Variants in FOXP1 observed in about 807,000 individuals in gnomAD.
FOXP1 encodes the protein forkhead box P1, also known as forkhead box protein P1.
Under a neutral mutation model 98.2 loss-of-function variants are expected in FOXP1, and 15 were observed. That is an observed-to-expected ratio of 0.15 (90% CI 0.10 to 0.24). The LOEUF (loss-of-function observed/expected upper bound fraction) is 0.24, where lower values mean the gene tolerates loss of function less well. Ranked by LOEUF, FOXP1 falls within the 10% of genes least tolerant of loss-of-function variation. FOXP1 has a pLI of 1.00. For missense variants in FOXP1, 633 were observed against 848.5 expected, an observed-to-expected ratio of 0.75 and a Z score of 3.15; for synonymous variants, 371 against 314.5, an observed-to-expected ratio of 1.18 and a Z score of -1.90.
In FOXP1 at chr3:70,970,721, G is replaced by C. The variant is rs370356350; in HGVS notation, c.1722+15C>G. 3.1e-6 allele frequency: 5 copies of C among 1,606,182 alleles called. No homozygotes were observed. Among genetic ancestry groups the C allele is most frequent in the Admixed American group, 1.7e-5 (1 of 60,016 alleles). ...TGTGCCTCTGCTGCATATTCGGGAC[G>C]GCCGTTAATCTTACCTGTAAAGCTG... On this transcript the variant is annotated intron_variant, in intron 19 of 20. Transcript: ENST00000649528.
intron 14 of FOXP1, among the ~76,000 whole-genome samples, chr3:70,983,750 T>C (rs2039273159): frequency 6.6e-6 from 1 of 152,236 alleles, no homozygotes; most frequent in Non-Finnish European, 1.5e-5. Context: ...AAAATACGAT[T>C]TACAGTGTTT....
chr3:71,088,949 C>T (rs1317755057), intron 7 of FOXP1, among the ~76,000 whole-genome samples: 2 of 152,156 alleles, frequency 1.3e-5, no homozygotes, highest in African/African-American at 4.8e-5. Flanking sequence ...GACCTTACGC[C>T]AAGAGTACAC....
chr3:71,581,111 T>G (rs931664094), intron 2 of FOXP1: 6 of 974,636 alleles, frequency 6.2e-6, no homozygotes, highest in Non-Finnish European at 7.3e-6. Context: ...ATTTTGGGTC[T>G]TCTGGTAGAG....
At chr3:70,969,275 A>G (rs2035658458) in intron 19 of FOXP1, 1 of 152,232 alleles carries the variant, frequency 6.6e-6, no homozygotes. Flanking sequence ...CAGTGGCAGC[A>G]TCGAAGCATG....
Position 71,030,717 on chromosome 3 carries a change from T to C in FOXP1, c.869+10611A>G, listed in dbSNP as rs367717917. On this transcript the variant is annotated intron_variant, in intron 11 of 20. Coordinates refer to ENST00000649528, the MANE Select transcript of FOXP1 (RefSeq NM_001349338.3). Reference sequence around the variant, plus strand: ...TGCACTTTGGACAACTTCCCATTTATCCTTGTTGAGTTTCTTTTTATTTCT... The same window carrying C: ...TGCACTTTGGACAACTTCCCATTTACCCTTGTTGAGTTTCTTTTTATTTCT... Among the ~76,000 whole-genome samples the C allele has an allele frequency of 3.5e-4, 54 of 152,340 alleles. 3 individuals are homozygous for C. The highest frequency in any genetic ancestry group is 2.5e-3 in the East Asian group (13 of 5,182).
intron 7 of FOXP1, among the ~76,000 whole-genome samples, chr3:71,083,069 C>T (rs766652449): frequency 1.3e-5 from 2 of 152,196 alleles, no homozygotes; most frequent in Non-Finnish European, 2.9e-5. Flanking sequence ...CTAGGTCCCA[C>T]TGATATAGTT....
intron 7 of FOXP1, among the ~76,000 whole-genome samples, chr3:71,066,675 T>C (rs1427331547): frequency 6.6e-6 from 1 of 152,232 alleles, no homozygotes; most frequent in African/African-American, 2.4e-5. Flanking sequence ...CTAAGTGACT[T>C]TCTTTTTCCC....
chr3:71,356,345 C>T (rs1178653098), intron 4 of FOXP1, among the ~76,000 whole-genome samples: 1 of 152,044 alleles, frequency 6.6e-6, no homozygotes, highest in Non-Finnish European at 1.5e-5. Context: ...TGCACGTGTC[C>T]TTGCAGATGT....
intron 3 of FOXP1, among the ~76,000 whole-genome samples, chr3:71,436,636 A>C (rs1230742778): frequency 5.9e-5 from 9 of 152,146 alleles, no homozygotes; most frequent in Admixed American, 5.9e-4. Context: ...CTAACAAGAA[A>C]AGAACAAAAA....
intron 4 of FOXP1, among the ~76,000 whole-genome samples, chr3:71,318,756 G>A (rs2075226636): frequency 1.3e-5 from 2 of 152,176 alleles, no homozygotes; most frequent in South Asian, 4.1e-4. Context: ...AGAGCTAATG[G>A]ACAAAATGGT....
chr3:71,101,743 C>G (rs1227623374), intron 7 of FOXP1, among the ~76,000 whole-genome samples: 1 of 150,860 alleles, frequency 6.6e-6, no homozygotes, highest in Non-Finnish European at 1.5e-5. Context: ...AAAAGCTTGG[C>G]AGCAAAAGAA....
At chr3:71,472,649 A>T (rs1293816303) in intron 3 of FOXP1, among the ~76,000 whole-genome samples, 1 of 152,206 alleles carries the variant, frequency 6.6e-6, no homozygotes, top group East Asian at 1.9e-4. Flanking sequence ...GAAAACAAAT[A>T]ATAAAGAGAA....
intron 7 of FOXP1, among the ~76,000 whole-genome samples, chr3:71,054,118 C>T (rs751156826): frequency 6.6e-6 from 1 of 152,150 alleles, no homozygotes; most frequent in Non-Finnish European, 1.5e-5. Context: ...GGGAAGTTAA[C>T]CCAGACTTGA....
intron 14 of FOXP1, among the ~76,000 whole-genome samples, chr3:70,982,069 G>A (rs2038964249): frequency 6.6e-6 from 1 of 152,172 alleles, no homozygotes; most frequent in African/African-American, 2.4e-5. Context: ...CGAAAGGGAA[G>A]GTTGAGAGAG....
At chr3:71,382,399 G>A (rs1320867132) in intron 3 of FOXP1, among the ~76,000 whole-genome samples, 3 of 152,188 alleles carry the variant, frequency 2.0e-5, no homozygotes, top group Non-Finnish European at 4.4e-5. Context: ...GAAGTCATGG[G>A]ATTTTGCAGA....
Position 71,153,650 on chromosome 3 carries a change from C to A in FOXP1, c.181-41013G>T, listed in dbSNP as rs2060681696. On this transcript the variant is annotated intron_variant, in intron 6 of 20. Transcript: ENST00000649528. ...ACATCATGGAATGGCCCTGTTGTATCTGCTGGGGTGTATGTAGGTGTGTCA... is the reference window on the plus strand; with the variant it reads ...ACATCATGGAATGGCCCTGTTGTATATGCTGGGGTGTATGTAGGTGTGTCA... Among the ~76,000 whole-genome samples, 4 of 152,006 alleles carry A rather than the reference C, an allele frequency of 2.6e-5. No individual in the cohort carries two copies. The South Asian group carries it at 8.3e-4, about 32-fold the overall frequency.
chr3:71,452,942 G>A (rs1275966028), intron 3 of FOXP1, among the ~76,000 whole-genome samples: 1 of 152,092 alleles, frequency 6.6e-6, no homozygotes, highest in African/African-American at 2.4e-5. Context: ...CCAACAATAT[G>A]GCCCAAAGTC....
Position 71,376,433 on chromosome 3 carries a change from T to C in FOXP1, c.-167-17189A>G, listed in dbSNP as rs76080512. ...TCAGACTTGTGTCTTAAAAAATCTATCTTAAAATTACCAGTGATATTGGCT... is the reference window on the plus strand; with the variant it reads ...TCAGACTTGTGTCTTAAAAAATCTACCTTAAAATTACCAGTGATATTGGCT... On this transcript the variant is annotated intron_variant, in intron 3 of 20. Transcript: ENST00000649528. Among the ~76,000 whole-genome samples, 709 of 152,316 alleles carry C rather than the reference T, an allele frequency of 4.7e-3. 5 individuals carry two copies. Among genetic ancestry groups the C allele is most frequent in the African/African-American group, 0.016 (679 of 41,578 alleles).
chr3:71,148,862 A>C (rs1305356397), intron 6 of FOXP1, among the ~76,000 whole-genome samples: 1 of 152,202 alleles, frequency 6.6e-6, no homozygotes, highest in Non-Finnish European at 1.5e-5. Flanking sequence ...CACTCTACTC[A>C]AAAGAGAAGG....
Sources: allele counts gnomAD v4.1 joint callset (sites outside exome capture counted in the v4.1 genomes callset), GRCh38; gene constraint gnomAD v4.1.1; transcripts MANE v1.5; gene names NCBI Gene and HGNC (gene_info 2026-07-23, HGNC 2026-07-21).